The following MLLT10 variants were observed in gnomAD, a reference collection of about 807,000 sequenced individuals.
MLLT10 encodes MLLT10 histone lysine methyltransferase DOT1L cofactor, also known as protein AF-10.
A neutral mutation model predicts 129.1 loss-of-function variants in MLLT10; 30 were observed. The ratio of observed to expected loss-of-function variants is 0.23; its 90% CI spans 0.17 to 0.32. The LOEUF (loss-of-function observed/expected upper bound fraction) is 0.32, where lower values mean the gene tolerates loss of function less well. Among genes scored for constraint, MLLT10 ranks in the 10% least tolerant of loss-of-function variants. MLLT10 has a pLI of 1.00. For missense variants in MLLT10, 1,119 were observed against 1,268.3 expected (o/e 0.88, Z 1.79); for synonymous variants, 490 against 446.4 (o/e 1.10, Z -1.23).
chr10:21,713,680 G>A (rs1589774301), intron 13 of MLLT10, 92 bp from the exon 14 acceptor site: 1 of 1,062,252 alleles, frequency 9.4e-7, no homozygotes, highest in East Asian at 2.5e-5. Flanking sequence ...TTGGAGGAGG[G>A]ATCCAGGAGG....
chr10:21,538,231 C>G (rs553628978), intron 2 of MLLT10, among the ~76,000 whole-genome samples: 5 of 149,856 alleles, frequency 3.3e-5, no homozygotes, highest in African/African-American at 1.2e-4. Flanking sequence ...ATGGTGCGAT[C>G]TTACCTCACT....
chr10:21,691,861 C>T (rs2131438155), intron 13 of MLLT10, among the ~76,000 whole-genome samples: 1 of 152,056 alleles, frequency 6.6e-6, no homozygotes, highest in African/African-American at 2.4e-5. Context: ...AGTACCAATA[C>T]TGTGGTGCCA....
At chr10:21,575,424 C>T (rs1418052052) in intron 3 of MLLT10, among the ~76,000 whole-genome samples, 3 of 152,080 alleles carry the variant, frequency 2.0e-5, no homozygotes, top group Non-Finnish European at 4.4e-5. Flanking sequence ...CTTGAACTTG[C>T]GACCTCAGAT....
chr10:21,540,391 C>CAAAAA (rs770542365), intron 3 of MLLT10, among the ~76,000 whole-genome samples: 1 of 131,426 alleles, frequency 7.6e-6, no homozygotes, highest in Non-Finnish European at 1.7e-5. Context: ...GAGACTGTTT[C>CAAAAA]AAAAAAAAAA....
chr10:21,662,523 C>G (rs2050314971), intron 9 of MLLT10, among the ~76,000 whole-genome samples: 1 of 151,894 alleles, frequency 6.6e-6, no homozygotes, highest in Admixed American at 6.6e-5. Context: ...CAAAGACATT[C>G]TTCATTTCTG....
At chr10:21,701,588 A>AT (rs1554854810) in intron 13 of MLLT10, among the ~76,000 whole-genome samples, 9 of 151,794 alleles carry the variant, frequency 5.9e-5, no homozygotes, top group Non-Finnish European at 1.3e-4. Flanking sequence ...TGTTATTAAA[A>AT]ATATATATAT....
intron 2 of MLLT10, among the ~76,000 whole-genome samples, chr10:21,537,607 G>A (rs1432829857): frequency 6.6e-6 from 1 of 152,072 alleles, no homozygotes; most frequent in African/African-American, 2.4e-5. Context: ...TGGGGTTACA[G>A]GCACCTGCCA....
At chr10:21,625,414 CAA>C (rs1417490809) in intron 8 of MLLT10, 5 of 835,568 alleles carry the variant, frequency 6.0e-6, no homozygotes, top group Non-Finnish European at 1.0e-5. Context: ...CGTCTGTGCC[CAA>C]GTTTCTCACA....
intron 8 of MLLT10, among the ~76,000 whole-genome samples, chr10:21,646,878 C>T (rs531643139): frequency 7.0e-5 from 10 of 142,068 alleles, no homozygotes; most frequent in East Asian, 2.1e-4. Flanking sequence ...TTTTCTGAGA[C>T]GGAGTCTCGC....
chr10:21,684,390 A>T (rs1286911935), intron 13 of MLLT10, among the ~76,000 whole-genome samples: 3 of 152,168 alleles, frequency 2.0e-5, no homozygotes, highest in African/African-American at 7.2e-5. Flanking sequence ...GCAGACTTAT[A>T]TTTCGAAAAA....
chr10:21,704,247 G>A (rs903972449), intron 13 of MLLT10, among the ~76,000 whole-genome samples: 1 of 149,744 alleles, frequency 6.7e-6, no homozygotes, highest in African/African-American at 2.5e-5. Flanking sequence ...GTACTCAAGT[G>A]ATCTGCCAGC....
At chr10:21,707,786 T>C (rs2055675489) in intron 13 of MLLT10, among the ~76,000 whole-genome samples, 1 of 152,176 alleles carries the variant, frequency 6.6e-6, no homozygotes, top group South Asian at 2.1e-4. Context: ...TTCCTTCCCC[T>C]CTCTCCAACT....
At chr10:21,640,610 C>G (rs1485853758) in intron 8 of MLLT10, among the ~76,000 whole-genome samples, 1 of 151,962 alleles carries the variant, frequency 6.6e-6, no homozygotes, top group Non-Finnish European at 1.5e-5. Context: ...GGAGAGGAGC[C>G]CTGAGCTTAG....
intron 9 of MLLT10, among the ~76,000 whole-genome samples, chr10:21,656,338 A>G (rs555569271): frequency 6.6e-6 from 1 of 152,308 alleles, no homozygotes; most frequent in African/African-American, 2.4e-5. Context: ...GTAGTTGTAC[A>G]TATTTTGGAG....
At chr10:21,594,213 T>A (rs1319370306) in intron 4 of MLLT10, among the ~76,000 whole-genome samples, 1 of 151,974 alleles carries the variant, frequency 6.6e-6, no homozygotes, top group African/African-American at 2.4e-5. Flanking sequence ...GTTGGTTGTT[T>A]CTGAATGTAC....
At chr10:21,735,932 C>T (rs1042848751) in intron 21 of MLLT10, among the ~76,000 whole-genome samples, 1 of 152,054 alleles carries the variant, frequency 6.6e-6, no homozygotes, top group African/African-American at 2.4e-5. Context: ...TTTTAAAAAT[C>T]TATTACGGAG....
chr10:21,659,335 A>G (rs1054810366), intron 9 of MLLT10, among the ~76,000 whole-genome samples: 1 of 152,160 alleles, frequency 6.6e-6, no homozygotes, highest in Non-Finnish European at 1.5e-5. Context: ...ATGTGTGAAC[A>G]TTGCAACCCT....
chr10:21,722,319 A>G (rs1156396761), intron 14 of MLLT10, among the ~76,000 whole-genome samples: 1 of 152,202 alleles, frequency 6.6e-6, no homozygotes, highest in Non-Finnish European at 1.5e-5. Flanking sequence ...ATGTCATATA[A>G]TAGGTACTTC....
chr10:21,646,948 C>T lies in MLLT10; in HGVS notation c.700-4725C>T, dbSNP rs1256957464. The stretch of plus-strand genomic sequence containing the variant: ...TGGGCTCACTGCAAGCTCCGCCTCT[C>T]GAGTTGATGCCATTCTTTTGCCTCA... On this transcript the variant is annotated intron_variant, in intron 8 of 22. Coordinates refer to ENST00000307729, the MANE Select transcript of MLLT10 (RefSeq NM_001195626.3). Among the ~76,000 whole-genome samples, 10 of 151,290 alleles carry T rather than the reference C, an allele frequency of 6.6e-5. No individual in the cohort carries two copies. The South Asian group carries it at 8.3e-4, about 13-fold the overall frequency.
Sources: allele counts gnomAD v4.1 joint callset (sites outside exome capture counted in the v4.1 genomes callset), GRCh38; gene constraint gnomAD v4.1.1; transcripts MANE v1.5; gene names NCBI Gene and HGNC (gene_info 2026-07-23, HGNC 2026-07-21).